MAP4K4: variants seen among roughly 807,000 people sequenced by gnomAD.
The protein encoded by MAP4K4 is HPK/GCK-like kinase HGK.
A neutral mutation model predicts 189.6 loss-of-function variants in MAP4K4; 38 were observed. The observed-to-expected ratio is 0.20, with a 90% CI of 0.15 to 0.26. MAP4K4 has a LOEUF of 0.26. Among genes scored for constraint, MAP4K4 ranks in the 10% least tolerant of loss-of-function variants. The probability of loss-of-function intolerance (pLI) is 1.00; values close to 1 mark genes in which losing one functional copy is unlikely to be tolerated. For synonymous variants in MAP4K4, 610 were observed against 624.3 expected, an observed-to-expected ratio of 0.98 and a Z score of 0.34; for missense variants, 1,054 against 1,726.9, an observed-to-expected ratio of 0.61 and a Z score of 6.91.
chr2:101,815,113 ATTAC>A (rs2095642914), intron 3 of MAP4K4, among the ~76,000 whole-genome samples: 1 of 152,254 alleles, frequency 6.6e-6, no homozygotes, highest in Admixed American at 6.5e-5. Flanking sequence ...TCAAACAAAA[ATTAC>A]TTAAATGATT....
At chr2:101,792,157 T>A (rs2092981617) in intron 3 of MAP4K4, among the ~76,000 whole-genome samples, 1 of 152,228 alleles carries the variant, frequency 6.6e-6, no homozygotes, top group African/African-American at 2.4e-5. Context: ...AATGGAATGA[T>A]CAATACCACC....
intron 2 of MAP4K4, among the ~76,000 whole-genome samples, chr2:101,706,527 C>T (rs2042382936): frequency 6.6e-6 from 1 of 152,220 alleles, no homozygotes. Flanking sequence ...TCACCTTCCT[C>T]CTCAGATACC....
Position 101,842,556 on chromosome 2 carries a change from G to T in MAP4K4, c.950-53G>T, listed in dbSNP as rs1169275829. Reference sequence around the variant, plus strand: ...CTCCTGCAGATGCTTGTCTGAACAGGCGTGTGTCAGGACTTGTGAACTGTC... The same window carrying T: ...CTCCTGCAGATGCTTGTCTGAACAGTCGTGTGTCAGGACTTGTGAACTGTC... On this transcript the variant is annotated intron_variant, in intron 10 of 32. Coordinates refer to ENST00000324219, the Ensembl canonical transcript of MAP4K4. 5.1e-5 allele frequency: 67 copies of T among 1,311,696 alleles called. No individual in the cohort carries two copies. In the East Asian group the frequency reaches 1.4e-3, roughly 27 times the overall value. The allele number at this position is 1,311,696 out of a possible 1,614,324, so 81.3% of individuals were successfully genotyped here.
At chr2:101,867,458 T>C (rs766007779) in intron 20 of MAP4K4, 149 bp downstream of exon 20, 73 of 612,962 alleles carry the variant, frequency 1.2e-4, no homozygotes, top group Non-Finnish European at 1.9e-4. Flanking sequence ...ACCCCAGACA[T>C]ACTTGTTCCC....
intron 2 of MAP4K4, among the ~76,000 whole-genome samples, chr2:101,727,900 C>T (rs1383436027): frequency 2.0e-5 from 3 of 152,056 alleles, no homozygotes; most frequent in Non-Finnish European, 4.4e-5. Flanking sequence ...ACCCAGGAGG[C>T]GGAGGTTGCA....
intron 2 of MAP4K4, among the ~76,000 whole-genome samples, chr2:101,699,285 A>T (rs1573668916): frequency 6.6e-6 from 1 of 152,336 alleles, no homozygotes; most frequent in East Asian, 1.9e-4. Context: ...CACCCCAGCG[A>T]TAAATGAAAC....
At chr2:101,723,118 G>T (rs1390205631) in intron 2 of MAP4K4, among the ~76,000 whole-genome samples, 2 of 152,174 alleles carry the variant, frequency 1.3e-5, no homozygotes, top group Non-Finnish European at 2.9e-5. Flanking sequence ...CAGATCTTGT[G>T]AGAACTCACT....
chr2:101,735,964 C>T (rs2060127833), intron 2 of MAP4K4, among the ~76,000 whole-genome samples: 1 of 152,116 alleles, frequency 6.6e-6, no homozygotes, highest in South Asian at 2.1e-4. Flanking sequence ...TTTCCTACAG[C>T]CTTCTATTTA....
rs369933378 is a variant in MAP4K4, at chr2:101,829,497, T to A, written c.418-7T>A. ...AACTAAAATTCAGGTCTGTCTTTCCTATTCAGGGACTGGCACATCTTCACA... is the reference window on the plus strand; with the variant it reads ...AACTAAAATTCAGGTCTGTCTTTCCAATTCAGGGACTGGCACATCTTCACA... On this transcript the variant is annotated splice_region_variant and splice_polypyrimidine_tract_variant and intron_variant, in intron 5 of 32. Coordinates refer to ENST00000324219, the Ensembl canonical transcript of MAP4K4. The A allele has an allele frequency of 2.1e-5, 34 of 1,599,990 alleles. No homozygotes were observed. Among genetic ancestry groups the A allele is most frequent in the Non-Finnish European group, 2.8e-5 (33 of 1,170,858 alleles).
chr2:101,811,653 T>G (rs573577084), intron 3 of MAP4K4, among the ~76,000 whole-genome samples: 1 of 152,264 alleles, frequency 6.6e-6, no homozygotes, highest in South Asian at 2.1e-4. Context: ...GTCCTGCCCC[T>G]GCTTGCTCTT....
intron 2 of MAP4K4, among the ~76,000 whole-genome samples, chr2:101,725,220 G>C (rs1284981334): frequency 2.0e-5 from 3 of 152,134 alleles, no homozygotes; most frequent in African/African-American, 7.2e-5. Flanking sequence ...CCTAGAATTT[G>C]CTTCAGAATA....
intron 11 of MAP4K4, among the ~76,000 whole-genome samples, chr2:101,843,191 A>T (rs2096973276): frequency 6.6e-6 from 1 of 152,188 alleles, no homozygotes; most frequent in African/African-American, 2.4e-5. Context: ...TAACTGATGA[A>T]TCAGAGAATA....
At chr2:101,713,640 A>C (rs1183205144) in intron 2 of MAP4K4, among the ~76,000 whole-genome samples, 3 of 146,500 alleles carry the variant, frequency 2.0e-5, no homozygotes, top group Non-Finnish European at 3.0e-5. Context: ...CAGGCCTGTA[A>C]TCCCAGCACT....
intron 16 of MAP4K4, 96 bp downstream of exon 16, chr2:101,861,082 C>T: frequency 8.5e-7 from 1 of 1,173,952 alleles, no homozygotes. Flanking sequence ...TTTGTCACCA[C>T]ACTGAAAAAG....
At chr2:101,790,238 A>G (rs538261515) in intron 2 of MAP4K4, among the ~76,000 whole-genome samples, 3 of 152,238 alleles carry the variant, frequency 2.0e-5, no homozygotes, top group Non-Finnish European at 4.4e-5. Context: ...CATTTTTGAC[A>G]ATAAAAAGTC....
intron 7 of MAP4K4, among the ~76,000 whole-genome samples, chr2:101,834,065 T>C (rs1196487278): frequency 6.6e-6 from 1 of 152,208 alleles, no homozygotes; most frequent in East Asian, 1.9e-4. Context: ...TAGTTCACAG[T>C]AGACAATTCA....
chr2:101,845,614 T>C (rs2097081227), intron 12 of MAP4K4, among the ~76,000 whole-genome samples: 1 of 152,232 alleles, frequency 6.6e-6, no homozygotes, highest in Non-Finnish European at 1.5e-5. Context: ...TAAGTATTTG[T>C]ATATGTAAAC....
At chr2:101,862,272 A>C (rs2097687149) in intron 16 of MAP4K4, 2 of 147,808 alleles carry the variant, frequency 1.4e-5, no homozygotes, top group South Asian at 2.2e-4. Flanking sequence ...AAAAAAAGGA[A>C]CAGCTAGGAC....
rs748186730 is a variant in MAP4K4 at position 101,873,772 on chromosome 2, C to T, written c.3070+8C>T. ...CAACAGTGACATCTGTGGGTAAGTA[C>T]AGTAGCAACAAGAAAGCAGCTGACA... is the stretch of plus-strand genomic sequence containing the variant. On this transcript the variant is annotated splice_region_variant and intron_variant, in intron 25 of 32. Coordinates refer to ENST00000324219, the Ensembl canonical transcript of MAP4K4. 1.9e-6 allele frequency: 3 copies of T among 1,556,210 alleles called. No individual in the cohort carries two copies. The highest frequency in any genetic ancestry group is 2.2e-5 in the South Asian group (2 of 88,946).
Sources: allele counts gnomAD v4.1 joint callset (sites outside exome capture counted in the v4.1 genomes callset), GRCh38; gene constraint gnomAD v4.1.1; transcripts MANE v1.5; gene names NCBI Gene and HGNC (gene_info 2026-07-23, HGNC 2026-07-21).